Variants in MPP7 observed in about 807,000 individuals in gnomAD.
The protein encoded by MPP7 is MAGUK p55 subfamily member 7.
A neutral mutation model predicts 76.5 loss-of-function variants in MPP7; 60 were observed. That is an observed-to-expected ratio of 0.78 (90% CI 0.64 to 0.97). The LOEUF (loss-of-function observed/expected upper bound fraction) is 0.97, where lower values mean the gene tolerates loss of function less well. MPP7 is among the 50% of genes least tolerant of loss of function. MPP7 has a pLI of 0.00. For missense variants in MPP7, 641 were observed against 694.0 expected, an observed-to-expected ratio of 0.92 and a Z score of 0.86; for synonymous variants, 237 against 244.5, an observed-to-expected ratio of 0.97 and a Z score of 0.29.
At chr10:28,188,539 C>T (rs1324801325) in intron 3 of MPP7, among the ~76,000 whole-genome samples, 1 of 152,120 alleles carries the variant, frequency 6.6e-6, no homozygotes, top group East Asian at 1.9e-4. Flanking sequence ...ATAACATTAT[C>T]ATGAGATCAT....
chr10:28,299,765 A>AGTTTTTTTTT (rs1841109518), intron 1 of MPP7, among the ~76,000 whole-genome samples: 1 of 128,072 alleles, frequency 7.8e-6, no homozygotes, highest in Admixed American at 7.9e-5. Context: ...AAAATTCAAG[A>AGTTTTTTTTT]CTTTTTTTTT....
chr10:28,150,084 A>C, intron 3 of MPP7, 25 bp from the exon 4 acceptor site: 1 of 1,545,388 alleles, frequency 6.5e-7, no homozygotes, highest in Non-Finnish European at 8.9e-7. Flanking sequence ...AATGCATATA[A>C]GTTCACCTGC....
Position 28,238,737 on chromosome 10 carries a change from T to TAGAAAGGAA in MPP7, c.-131-11_-131-3dup. ...ATCTGTATATTTTGTAAGCCGTTTC[T>TAGAAAGGAA]AGAAAGGAAAGAAACATTTATATTT... On this transcript the variant is annotated splice_polypyrimidine_tract_variant and splice_region_variant and intron_variant, in intron 1 of 16. Coordinates refer to ENST00000683449, the MANE Select transcript of MPP7 (RefSeq NM_001318170.2). 1 of 814,814 alleles carries TAGAAAGGAA rather than the reference T, an allele frequency of 1.2e-6. No homozygotes were observed. The allele number at this position is 814,814 out of a possible 1,614,324, so 50.5% of individuals were successfully genotyped here.
chr10:28,121,814 A>AAAAG (rs1834851868), intron 8 of MPP7, among the ~76,000 whole-genome samples: 1 of 147,368 alleles, frequency 6.8e-6, no homozygotes, highest in African/African-American at 2.5e-5. Context: ...CATTTATTTA[A>AAAAG]AAAAAAAAAA....
At chr10:28,256,897 G>A (rs757038916) in intron 1 of MPP7, among the ~76,000 whole-genome samples, 18 of 152,140 alleles carry the variant, frequency 1.2e-4, no homozygotes, top group Non-Finnish European at 2.2e-4. Context: ...CCCATGCCCA[G>A]TACAGAGATG....
At chr10:28,328,456 T>G (rs1834439931) in intron 2 of MPP7, among the ~76,000 whole-genome samples, 1 of 152,158 alleles carries the variant, frequency 6.6e-6, no homozygotes, top group South Asian at 2.1e-4. Context: ...GTTTAAGTTA[T>G]GAGCTCTGGT....
At chr10:28,132,165 T>C (rs1423762514) in intron 5 of MPP7, among the ~76,000 whole-genome samples, 1 of 152,222 alleles carries the variant, frequency 6.6e-6, no homozygotes. Context: ...ATGATCAATA[T>C]GACAGATTCT....
intron 2 of MPP7, among the ~76,000 whole-genome samples, chr10:28,319,076 G>C (rs186583620): frequency 6.6e-6 from 1 of 152,188 alleles, no homozygotes; most frequent in Non-Finnish European, 1.5e-5. Context: ...AGTTCTACAG[G>C]CTATACAGGA....
chr10:28,110,504 A>G (rs894677268), intron 11 of MPP7, among the ~76,000 whole-genome samples: 1 of 152,206 alleles, frequency 6.6e-6, no homozygotes, highest in Non-Finnish European at 1.5e-5. Context: ...GGCTCATTGG[A>G]TTAGACAGAA....
upstream of MPP7, among the ~76,000 whole-genome samples, chr10:28,304,073 GA>G (rs1033319251): frequency 4.4e-4 from 67 of 152,056 alleles, no homozygotes; most frequent in African/African-American, 1.4e-3. Context: ...GGAATCATCA[GA>G]AAAAAAATAA....
rs557850716 is a variant in MPP7, at chr10:28,251,131, A to G, written c.-131-12396T>C. Among the ~76,000 whole-genome samples the G allele has an allele frequency of 1.1e-4, 17 of 152,344 alleles. No homozygotes were observed. In the South Asian group the frequency reaches 3.1e-3, roughly 28 times the overall value. On this transcript the variant is annotated intron_variant, in intron 1 of 16. Coordinates refer to ENST00000683449, the MANE Select transcript of MPP7 (RefSeq NM_001318170.2). Reference sequence around the variant, plus strand: ...CCCAACATTGTCTTAATCTGAACAAATAACATATTTTTGATTTAAGAAAGA... The same window carrying G: ...CCCAACATTGTCTTAATCTGAACAAGTAACATATTTTTGATTTAAGAAAGA...
intron 3 of MPP7, among the ~76,000 whole-genome samples, chr10:28,163,168 T>C (rs1781830): frequency 0.91 from 138,410 of 152,192 alleles, 63,000 homozygotes; most frequent in South Asian, 0.95. Flanking sequence ...TGTGATCTGG[T>C]CTCTCTTTCC....
At chr10:28,065,368 TATC>T (rs1015844988) in intron 13 of MPP7, among the ~76,000 whole-genome samples, 3 of 152,202 alleles carry the variant, frequency 2.0e-5, no homozygotes, top group African/African-American at 7.2e-5. Flanking sequence ...ATTGTTTGCT[TATC>T]ATAATCAACC....
intron 2 of MPP7, among the ~76,000 whole-genome samples, chr10:28,233,240 A>G (rs1038714854): frequency 1.3e-5 from 2 of 152,346 alleles, no homozygotes; most frequent in African/African-American, 2.4e-5. Context: ...AGAGGCTACA[A>G]TGATCCGTTT....
At chr10:28,253,012 A>G (rs1237884106) in intron 1 of MPP7, among the ~76,000 whole-genome samples, 1 of 151,800 alleles carries the variant, frequency 6.6e-6, no homozygotes, top group Non-Finnish European at 1.5e-5. Context: ...GGTTCAAGCG[A>G]TTCTCCTTCC....
intron 5 of MPP7, among the ~76,000 whole-genome samples, chr10:28,140,728 G>C (rs1183988216): frequency 6.6e-6 from 1 of 151,942 alleles, no homozygotes; most frequent in Non-Finnish European, 1.5e-5. Flanking sequence ...AAGTTTCCTA[G>C]GAAAAAATAA....
At chr10:28,146,936 C>T (rs1835729022) in intron 5 of MPP7, among the ~76,000 whole-genome samples, 2 of 152,020 alleles carry the variant, frequency 1.3e-5, no homozygotes, top group South Asian at 4.1e-4. Flanking sequence ...AAGTGATAAA[C>T]TTAGGAGGCA....
intron 2 of MPP7, among the ~76,000 whole-genome samples, chr10:28,220,337 C>A (rs1162058830): frequency 6.6e-6 from 1 of 152,118 alleles, no homozygotes; most frequent in Non-Finnish European, 1.5e-5. Flanking sequence ...ATGAAAATTA[C>A]TTCTAAAGCT....
chr10:28,293,265 G>T lies in MPP7; in HGVS notation c.-132+9596C>A, dbSNP rs1034309147. Among the ~76,000 whole-genome samples the T allele has an allele frequency of 3.3e-5, 5 of 152,204 alleles. No individual in the cohort carries two copies. The South Asian group carries it at 1.0e-3, about 32-fold the overall frequency. ...AAGAGGCAAAGGATATATAAATGGC[G>T]AACTCAACCGAGGAAAAACACACAC... is the stretch of plus-strand genomic sequence containing the variant. On this transcript the variant is annotated intron_variant, in intron 1 of 16. Transcript: ENST00000683449.
Sources: gnomAD v4.1 joint callset for allele counts (sites outside exome capture counted in the v4.1 genomes callset) on GRCh38, gnomAD v4.1.1 for gene constraint, MANE v1.5 for transcripts, NCBI Gene and HGNC (gene_info 2026-07-23, HGNC 2026-07-21) for gene names.